SLC24A2: variants seen among roughly 807,000 people sequenced by gnomAD.
SLC24A2 encodes the protein solute carrier family 24 member 2.
Under a neutral mutation model 62.0 loss-of-function variants are expected in SLC24A2, and 36 were observed. The ratio of observed to expected loss-of-function variants is 0.58; its 90% CI spans 0.44 to 0.77. The LOEUF (loss-of-function observed/expected upper bound fraction) is 0.77. Ranked by LOEUF, SLC24A2 falls within the 30% of genes least tolerant of loss-of-function variation. The probability of loss-of-function intolerance (pLI) is 0.00; values close to 1 mark genes in which losing one functional copy is unlikely to be tolerated. For missense variants in SLC24A2, 846 were observed against 817.9 expected (o/e 1.03, Z -0.42); for synonymous variants, 358 against 294.0 (o/e 1.22, Z -2.23).
the SLC24A2 span, among the ~76,000 whole-genome samples, chr9:20,037,813 G>C: frequency 6.6e-6 from 1 of 152,190 alleles, no homozygotes; most frequent in Non-Finnish European, 1.5e-5. Context: ...ATGGCCTCTA[G>C]TAGGTGGGGG....
At chr9:19,788,434 A>G in intron 1 of SLC24A2, 4 of 871,826 alleles carry the variant, frequency 4.6e-6, no homozygotes, top group Non-Finnish European at 5.5e-6. Flanking sequence ...CCGTAGGAGA[A>G]TGTTCGCCCC....
the SLC24A2 span, among the ~76,000 whole-genome samples, chr9:19,830,395 T>C: frequency 1.1e-4 from 17 of 152,328 alleles, no homozygotes; most frequent in Non-Finnish European, 1.9e-4. Context: ...GATTTTGACA[T>C]GCATTAATTT....
At chr9:20,067,027 T>C in the SLC24A2 span, among the ~76,000 whole-genome samples, 1 of 152,236 alleles carries the variant, frequency 6.6e-6, no homozygotes, top group African/African-American at 2.4e-5. Context: ...GGAAAATGTT[T>C]ACAGTTTTGA....
At chr9:19,644,014 T>G (rs573429160) in intron 2 of SLC24A2, among the ~76,000 whole-genome samples, 1 of 152,342 alleles carries the variant, frequency 6.6e-6, no homozygotes, top group East Asian at 1.9e-4. Context: ...CTTGAGTCAT[T>G]GTGAATAATA....
the SLC24A2 span, among the ~76,000 whole-genome samples, chr9:20,103,404 T>TCCCTGAC: frequency 6.6e-6 from 1 of 152,126 alleles, no homozygotes; most frequent in African/African-American, 2.4e-5. Flanking sequence ...CTCAAGTGGG[T>TCCCTGAC]CCCTGACCCC....
chr9:19,585,715 T>C (rs1836352389), intron 5 of SLC24A2, among the ~76,000 whole-genome samples: 1 of 152,232 alleles, frequency 6.6e-6, no homozygotes, highest in Non-Finnish European at 1.5e-5. Flanking sequence ...ACTAACATGT[T>C]TTTCTAGCAG....
chr9:20,254,435 G>A, the SLC24A2 span, among the ~76,000 whole-genome samples: 1 of 152,210 alleles, frequency 6.6e-6, no homozygotes, highest in Non-Finnish European at 1.5e-5. Context: ...TTCAACAAAT[G>A]TGTTCAATAG....
chr9:20,278,820 G>GT, the SLC24A2 span, among the ~76,000 whole-genome samples: 1 of 152,068 alleles, frequency 6.6e-6, no homozygotes, highest in Non-Finnish European at 1.5e-5. Context: ...CTTTACAACA[G>GT]TACCCAACTC....
At chr9:20,023,092 C>A in the SLC24A2 span, among the ~76,000 whole-genome samples, 2 of 152,154 alleles carry the variant, frequency 1.3e-5, no homozygotes, top group African/African-American at 2.4e-5. Context: ...ACTGAGCAAT[C>A]TGAAAAATTG....
At chr9:20,260,377 A>G in the SLC24A2 span, among the ~76,000 whole-genome samples, 1 of 152,266 alleles carries the variant, frequency 6.6e-6, no homozygotes, top group Non-Finnish European at 1.5e-5. Flanking sequence ...CAGTGGACTA[A>G]GAAGCCAGTC....
chr9:20,178,724 A>G, the SLC24A2 span, among the ~76,000 whole-genome samples: 2 of 152,210 alleles, frequency 1.3e-5, no homozygotes, highest in Non-Finnish European at 2.9e-5. Flanking sequence ...CATTTTTAGT[A>G]CATGTCTCAT....
chr9:20,000,748 A>G, the SLC24A2 span, among the ~76,000 whole-genome samples: 1 of 152,224 alleles, frequency 6.6e-6, no homozygotes, highest in African/African-American at 2.4e-5. Flanking sequence ...TGCCTTAAGC[A>G]TAAAGACAGG....
At chr9:19,884,796 A>G in the SLC24A2 span, among the ~76,000 whole-genome samples, 4 of 152,312 alleles carry the variant, frequency 2.6e-5, no homozygotes, top group East Asian at 7.7e-4. Context: ...TTTGTGTTAG[A>G]TGATTTTGCC....
At chr9:20,044,133 A>G in the SLC24A2 span, among the ~76,000 whole-genome samples, 45 of 152,054 alleles carry the variant, frequency 3.0e-4, no homozygotes, top group African/African-American at 1.1e-3. Context: ...TTTTAGCAGT[A>G]AAGTATTTTT....
At chr9:19,859,184 A>C in the SLC24A2 span, among the ~76,000 whole-genome samples, 1 of 152,210 alleles carries the variant, frequency 6.6e-6, no homozygotes, top group Non-Finnish European at 1.5e-5. Context: ...GAATGAGATC[A>C]TATTCTTTGC....
the SLC24A2 span, among the ~76,000 whole-genome samples, chr9:19,908,249 TAATA>T: frequency 4.9e-5 from 7 of 143,232 alleles, no homozygotes; most frequent in East Asian, 1.5e-3. Context: ...ATTCCCTACT[TAATA>T]AATGGTGCTG....
At chr9:19,627,123 A>G (rs991231880) in intron 2 of SLC24A2, among the ~76,000 whole-genome samples, 3 of 152,226 alleles carry the variant, frequency 2.0e-5, no homozygotes, top group African/African-American at 7.2e-5. Context: ...AAGGAATCTC[A>G]GAGAACAATG....
the SLC24A2 span, among the ~76,000 whole-genome samples, chr9:19,868,495 T>C: frequency 2.0e-5 from 3 of 152,234 alleles, no homozygotes; most frequent in Non-Finnish European, 2.9e-5. Flanking sequence ...GTTAGTTAGG[T>C]CAATTTGATT....
At chr9:19,573,709 C>A (rs898151058) in intron 6 of SLC24A2, among the ~76,000 whole-genome samples, 10 of 152,120 alleles carry the variant, frequency 6.6e-5, no homozygotes, top group African/African-American at 2.4e-4. Flanking sequence ...TTCCCCATGT[C>A]TTTCAGTATA....
Sources: gnomAD v4.1 joint callset for allele counts (sites outside exome capture counted in the v4.1 genomes callset) on GRCh38, gnomAD v4.1.1 for gene constraint, MANE v1.5 for transcripts, NCBI Gene and HGNC (gene_info 2026-07-23, HGNC 2026-07-21) for gene names.